ZPBP: variants seen among roughly 807,000 people sequenced by gnomAD.
The protein encoded by ZPBP is zona pellucida binding protein, also known as zona pellucida-binding protein 1.
ZPBP carries 26 observed loss-of-function variants against 44.8 expected under a neutral mutation model. That is an observed-to-expected ratio of 0.58 (90% CI 0.43 to 0.81). The LOEUF is 0.81. Ranked by LOEUF, ZPBP falls within the 30% of genes least tolerant of loss-of-function variation. ZPBP has a pLI of 0.00. For synonymous variants in ZPBP, 174 were observed against 153.2 expected, an observed-to-expected ratio of 1.14 and a Z score of -1.00; for missense variants, 409 against 434.0, an observed-to-expected ratio of 0.94 and a Z score of 0.51.
chr7:49,888,969 T>C (rs1376984903), intron 2 of ZPBP, among the ~76,000 whole-genome samples: 1 of 151,522 alleles, frequency 6.6e-6, no homozygotes, highest in Admixed American at 6.6e-5. Context: ...AGCAGACATA[T>C]GGAGGATGGA....
intron 1 of ZPBP, among the ~76,000 whole-genome samples, chr7:49,925,146 C>A (rs1191329592): frequency 1.3e-5 from 2 of 152,154 alleles, no homozygotes; most frequent in Non-Finnish European, 2.9e-5. Flanking sequence ...GAGAAGTGGT[C>A]TAAGTACTGG....
intron 2 of ZPBP, among the ~76,000 whole-genome samples, chr7:49,856,767 T>A (rs1270501021): frequency 1.3e-5 from 2 of 152,018 alleles, no homozygotes; most frequent in African/African-American, 4.8e-5. Context: ...GTAACATGAT[T>A]GGGAGGCCGA....
chr7:50,081,969 T>C (rs1584193725), intron 2 of ZPBP, 70 bp from the exon 3 acceptor site: 2 of 1,562,610 alleles, frequency 1.3e-6, no homozygotes, highest in East Asian at 4.6e-5. Context: ...ATGTACACTT[T>C]TGTAGTTTGG....
chr7:50,064,418 C>T (rs559399824), intron 3 of ZPBP, among the ~76,000 whole-genome samples: 1 of 152,142 alleles, frequency 6.6e-6, no homozygotes, highest in Non-Finnish European at 1.5e-5. Context: ...TTGAGATCAA[C>T]CGGTCTGACC....
intron 1 of ZPBP, among the ~76,000 whole-genome samples, chr7:50,092,542 T>G (rs1045488486): frequency 2.0e-5 from 3 of 152,236 alleles, no homozygotes; most frequent in African/African-American, 7.2e-5. Context: ...TTCACATCCT[T>G]CGTCAGTGTT....
At chr7:49,982,520 T>G (rs558712772) in intron 7 of ZPBP, among the ~76,000 whole-genome samples, 24 of 150,520 alleles carry the variant, frequency 1.6e-4, no homozygotes, top group African/African-American at 5.8e-4. Flanking sequence ...CACAAAAAAA[T>G]TATAAAGATA....
In ZPBP at chr7:50,079,677, G is replaced by A. The variant is rs890855089; in HGVS notation, c.334+2097C>T. Among the ~76,000 whole-genome samples the A allele has an allele frequency of 5.3e-5, 8 of 151,778 alleles. No homozygotes were observed. The East Asian group carries it at 1.5e-3, about 29-fold the overall frequency. Reference sequence around the variant, plus strand: ...GTTAACAATAATGTATTGTATACTTGAAATTTTATGAGAGTAAATCTCAAA... The same window carrying A: ...GTTAACAATAATGTATTGTATACTTAAAATTTTATGAGAGTAAATCTCAAA... On this transcript the variant is annotated intron_variant, in intron 3 of 7. Transcript: ENST00000046087.
intron 4 of ZPBP, among the ~76,000 whole-genome samples, chr7:50,051,752 T>G (rs766889552): frequency 6.6e-6 from 1 of 151,932 alleles, no homozygotes; most frequent in Non-Finnish European, 1.5e-5. Flanking sequence ...AAGTGGGAGC[T>G]GAACAATGAG....
chr7:49,982,324 T>TACATAATATATAATTA (rs1554361616), intron 7 of ZPBP, among the ~76,000 whole-genome samples: 44 of 61,428 alleles, frequency 7.2e-4, no homozygotes, highest in Middle Eastern at 0.015. Context: ...TAATATATAA[T>TACATAATATATAATTA]TATATAATAT....
chr7:49,933,128 G>A (rs544659375), downstream of ZPBP, among the ~76,000 whole-genome samples: 10 of 152,166 alleles, frequency 6.6e-5, no homozygotes, highest in East Asian at 7.7e-4. Context: ...TTATGTTAAT[G>A]AAGTGAATAA....
At chr7:50,038,551 G>T (rs1799924009) in intron 4 of ZPBP, among the ~76,000 whole-genome samples, 1 of 152,194 alleles carries the variant, frequency 6.6e-6, no homozygotes, top group African/African-American at 2.4e-5. Context: ...TTTAGGAAAA[G>T]AGACAGTCAG....
chr7:49,930,901 T>C (rs1401819816), intron 1 of ZPBP, among the ~76,000 whole-genome samples: 1 of 152,240 alleles, frequency 6.6e-6, no homozygotes, highest in East Asian at 1.9e-4. Flanking sequence ...CACCTTGAAT[T>C]GTAATATTCC....
the ZPBP span, among the ~76,000 whole-genome samples, chr7:49,843,690 A>G: frequency 2.6e-5 from 4 of 152,240 alleles, no homozygotes; most frequent in Non-Finnish European, 4.4e-5. Flanking sequence ...GTTGGGGAGC[A>G]GCAACAGCTG....
chr7:50,008,632 A>G (rs979530387), intron 6 of ZPBP, among the ~76,000 whole-genome samples: 1 of 152,130 alleles, frequency 6.6e-6, no homozygotes, highest in Non-Finnish European at 1.5e-5. Context: ...ACAAAGTTAC[A>G]GTAATCAAAA....
chr7:49,900,509 TA>T (rs983950570), intron 2 of ZPBP, among the ~76,000 whole-genome samples: 1 of 151,484 alleles, frequency 6.6e-6, no homozygotes, highest in Non-Finnish European at 1.5e-5. Context: ...AAAGGGATAA[TA>T]AAAAAATACT....
chr7:50,024,562 A>C (rs931375243), intron 5 of ZPBP, among the ~76,000 whole-genome samples: 1 of 152,032 alleles, frequency 6.6e-6, no homozygotes, highest in Non-Finnish European at 1.5e-5. Context: ...GTTAAGTGAA[A>C]TACTATAGGC....
intron 3 of ZPBP, among the ~76,000 whole-genome samples, chr7:50,074,942 T>C (rs1330948182): frequency 6.6e-6 from 1 of 151,892 alleles, no homozygotes; most frequent in Non-Finnish European, 1.5e-5. Flanking sequence ...TTATAGACCA[T>C]TTCATCTAAG....
rs560856742 is a variant in ZPBP at position 49,981,798 on chromosome 7, T to G, written c.961+1544A>C. ...ATATGAATTATATAGATTATATAATTATATGAATTATATAGATTATATAAT... is the reference window on the plus strand; with the variant it reads ...ATATGAATTATATAGATTATATAATGATATGAATTATATAGATTATATAAT... On this transcript the variant is annotated intron_variant, in intron 7 of 7. Transcript: ENST00000046087. 1.8e-4 allele frequency among the ~76,000 whole-genome samples: 17 copies of G among 93,036 alleles called. 1 individual carries two copies. Among genetic ancestry groups the G allele is most frequent in the African/African-American group, 6.7e-4 (15 of 22,294 alleles). 61.0% of individuals were successfully genotyped at this position (93,036 alleles called of 152,430 possible). A position where few individuals can be genotyped will look rare whatever the true frequency, so the allele number is the denominator to read the frequency against.
At chr7:49,986,901 A>G (rs996985097) in intron 6 of ZPBP, among the ~76,000 whole-genome samples, 1 of 152,192 alleles carries the variant, frequency 6.6e-6, no homozygotes, top group Non-Finnish European at 1.5e-5. Flanking sequence ...TATTAAAGAC[A>G]GTCTGGTAAA....
Sources: gnomAD v4.1 joint callset for allele counts (sites outside exome capture counted in the v4.1 genomes callset) on GRCh38, gnomAD v4.1.1 for gene constraint, MANE v1.5 for transcripts, NCBI Gene and HGNC (gene_info 2026-07-23, HGNC 2026-07-21) for gene names.